The following XKR6 variants were observed in gnomAD, a reference collection of about 807,000 sequenced individuals.
XKR6 encodes XK related 6.
In XKR6, 22 loss-of-function variants were observed where a neutral mutation model predicts 56.7. The ratio of observed to expected loss-of-function variants is 0.39; its 90% CI spans 0.28 to 0.55. The LOEUF is 0.55. XKR6 is among the 20% of genes least tolerant of loss of function. The pLI, the probability that XKR6 is intolerant of heterozygous loss-of-function variation, is 0.66. For missense variants in XKR6, 852 were observed against 889.0 expected, an observed-to-expected ratio of 0.96 and a Z score of 0.53; for synonymous variants, 524 against 387.8, an observed-to-expected ratio of 1.35 and a Z score of -4.13.
intron 1 of XKR6, among the ~76,000 whole-genome samples, chr8:11,130,840 C>A (rs542147491): frequency 4.6e-5 from 7 of 152,254 alleles, no homozygotes; most frequent in African/African-American, 1.4e-4. Context: ...ACCTTCAGGA[C>A]TCCAGTCCCT....
At chr8:10,970,144 G>C (rs780536288) in intron 1 of XKR6, among the ~76,000 whole-genome samples, 77 of 152,136 alleles carry the variant, frequency 5.1e-4, no homozygotes, top group Non-Finnish European at 2.2e-4. Flanking sequence ...CTGTGCTCCG[G>C]GACCCCATAA....
At chr8:11,090,049 A>G (rs1798014788) in intron 1 of XKR6, among the ~76,000 whole-genome samples, 1 of 152,214 alleles carries the variant, frequency 6.6e-6, no homozygotes, top group East Asian at 1.9e-4. Flanking sequence ...ACAGTATTAT[A>G]GTATTCTATT....
rs1804232104 is a variant in XKR6 at position 11,201,381 on chromosome 8, G to A, written c.-42C>T. The A allele has an allele frequency of 9.5e-7, 1 of 1,049,022 alleles. No homozygotes were observed. The highest frequency in any genetic ancestry group is 1.2e-6 in the Non-Finnish European group (1 of 813,166). The allele number at this position is 1,049,022 out of a possible 1,614,324, so 65.0% of individuals were successfully genotyped here. A position where few individuals can be genotyped will look rare whatever the true frequency, so the allele number is the denominator to read the frequency against. On this transcript the variant is annotated 5_prime_UTR_variant, in exon 1 of 3. Transcript: ENST00000416569. ...GCTCCGGAGGTTGGGGGGGAGGGACGGCGGGGGGGGGGGGAAGAAGGCAGG... is the reference window on the plus strand; with the variant it reads ...GCTCCGGAGGTTGGGGGGGAGGGACAGCGGGGGGGGGGGGAAGAAGGCAGG...
At chr8:10,906,994 G>A (rs1484833564) in intron 2 of XKR6, among the ~76,000 whole-genome samples, 1 of 152,100 alleles carries the variant, frequency 6.6e-6, no homozygotes, top group Non-Finnish European at 1.5e-5. Flanking sequence ...GTTGCAGTGA[G>A]CAGGGATCAC....
At chr8:11,133,726 C>T (rs536337265) in intron 1 of XKR6, among the ~76,000 whole-genome samples, 1 of 152,150 alleles carries the variant, frequency 6.6e-6, no homozygotes, top group East Asian at 1.9e-4. Context: ...TCCTCCATGT[C>T]CTCAATAGCC....
At chr8:11,089,667 A>C (rs896422499) in intron 1 of XKR6, among the ~76,000 whole-genome samples, 2 of 152,186 alleles carry the variant, frequency 1.3e-5, no homozygotes, top group Admixed American at 1.3e-4. Context: ...TATTTCAACA[A>C]ATATAAATAA....
chr8:10,984,485 A>C (rs980108668), intron 1 of XKR6, among the ~76,000 whole-genome samples: 12 of 152,092 alleles, frequency 7.9e-5, no homozygotes, highest in African/African-American at 2.2e-4. Context: ...GTGGTGGGAA[A>C]AAGAAAGAAA....
chr8:10,953,963 T>C (rs996194658), intron 1 of XKR6, among the ~76,000 whole-genome samples: 1 of 152,228 alleles, frequency 6.6e-6, no homozygotes, highest in Admixed American at 6.5e-5. Flanking sequence ...TGTTTCAAGT[T>C]TCAGCCACAG....
chr8:11,129,473 C>G (rs1354186701), intron 1 of XKR6, among the ~76,000 whole-genome samples: 2 of 152,116 alleles, frequency 1.3e-5, no homozygotes, highest in African/African-American at 4.8e-5. Flanking sequence ...TGTTATCAAA[C>G]AGTGGAGAGC....
At chr8:11,057,242 G>A (rs111517864) in intron 1 of XKR6, among the ~76,000 whole-genome samples, 3 of 152,268 alleles carry the variant, frequency 2.0e-5, no homozygotes, top group African/African-American at 7.2e-5. Context: ...CCTGCTTTAT[G>A]TGTCTTTGTC....
chr8:11,090,041 A>G (rs1000789968), intron 1 of XKR6, among the ~76,000 whole-genome samples: 12 of 152,202 alleles, frequency 7.9e-5, no homozygotes, highest in African/African-American at 2.9e-4. Context: ...ACAGTTGGAC[A>G]GTATTATAGT....
intron 1 of XKR6, among the ~76,000 whole-genome samples, chr8:11,123,166 G>T (rs1799540221): frequency 1.3e-5 from 2 of 151,066 alleles, no homozygotes; most frequent in African/African-American, 4.9e-5. Context: ...GAACCTGGGA[G>T]GTGGAGGTCG....
intron 1 of XKR6, among the ~76,000 whole-genome samples, chr8:11,072,042 G>A (rs1800144005): frequency 6.6e-6 from 1 of 152,190 alleles, no homozygotes; most frequent in Non-Finnish European, 1.5e-5. Context: ...CCAAAAGCCA[G>A]TGTGTGGGTT....
intron 1 of XKR6, among the ~76,000 whole-genome samples, chr8:11,182,044 G>A (rs1044202409): frequency 2.0e-5 from 3 of 152,202 alleles, no homozygotes; most frequent in African/African-American, 7.2e-5. Flanking sequence ...TTCCCAAAGT[G>A]CTGGGATTAC....
intron 1 of XKR6, chr8:11,109,784 G>C (rs981097010): frequency 7.2e-5 from 11 of 152,116 alleles, no homozygotes; most frequent in Admixed American, 1.3e-4. Flanking sequence ...TCTGAGTGTA[G>C]CAAATGCCTG....
At chr8:11,137,586 T>C (rs1289378438) in intron 1 of XKR6, 4 of 456,116 alleles carry the variant, frequency 8.8e-6, no homozygotes, top group Non-Finnish European at 1.8e-5. Context: ...GGAGAAGTTC[T>C]CTTTAGAACC....
rs148384527 is a variant in XKR6 at position 11,151,053 on chromosome 8, C to T, written c.764+49523G>A. Among the ~76,000 whole-genome samples, 649 of 152,144 alleles carry T rather than the reference C, an allele frequency of 4.3e-3. 4 individuals are homozygous for T. Among genetic ancestry groups the T allele is most frequent in the African/African-American group, 0.015 (615 of 41,506 alleles). On this transcript the variant is annotated intron_variant, in intron 1 of 2. Transcript: ENST00000416569. Reference sequence around the variant, plus strand: ...GAAAAAATAAACCCAAACTAATATGCTTCATATAAGACTCTTTTGTGAGTA... The same window carrying T: ...GAAAAAATAAACCCAAACTAATATGTTTCATATAAGACTCTTTTGTGAGTA...
intron 1 of XKR6, among the ~76,000 whole-genome samples, chr8:11,047,570 GC>G (rs1295845781): frequency 2.0e-5 from 3 of 152,060 alleles, no homozygotes; most frequent in African/African-American, 7.2e-5. Flanking sequence ...CCCTAGAACA[GC>G]CAGATTCATA....
intron 1 of XKR6, among the ~76,000 whole-genome samples, chr8:11,196,014 A>T (rs1480271653): frequency 6.6e-6 from 1 of 152,036 alleles, no homozygotes; most frequent in Non-Finnish European, 1.5e-5. Flanking sequence ...ATAAGCATAT[A>T]AAGTACACTC....
Sources: gnomAD v4.1 joint callset for allele counts (sites outside exome capture counted in the v4.1 genomes callset) on GRCh38, gnomAD v4.1.1 for gene constraint, MANE v1.5 for transcripts, NCBI Gene and HGNC (gene_info 2026-07-23, HGNC 2026-07-21) for gene names.